The following SGMS2 variants were observed in gnomAD, a reference collection of about 807,000 sequenced individuals.
The protein encoded by SGMS2 is phosphatidylcholine:ceramide cholinephosphotransferase 2.
SGMS2 carries 21 observed loss-of-function variants against 43.8 expected under a neutral mutation model. The observed-to-expected ratio is 0.48, with a 90% CI of 0.34 to 0.69. SGMS2 has a LOEUF of 0.69. SGMS2 is among the 30% of genes least tolerant of loss of function. The pLI is 0.01. For synonymous variants in SGMS2, 167 were observed against 160.6 expected (o/e 1.04, Z -0.30); for missense variants, 384 against 443.2 (o/e 0.87, Z 1.20).
intron 1 of SGMS2, among the ~76,000 whole-genome samples, chr4:107,826,535 A>ACTTTAC: frequency 6.6e-6 from 1 of 151,894 alleles, no homozygotes; most frequent in Middle Eastern, 3.4e-3. Context: ...GAGGAAGCTA[A>ACTTTAC]CTTTACCTTT....
chr4:107,869,529 C>A (rs1191578804), intron 2 of SGMS2, among the ~76,000 whole-genome samples: 1 of 152,046 alleles, frequency 6.6e-6, no homozygotes, highest in Non-Finnish European at 1.5e-5. Context: ...TGCTAAGAAA[C>A]AATAGATGTC....
At chr4:107,860,700 T>G (rs1255823924) in intron 2 of SGMS2, among the ~76,000 whole-genome samples, 1 of 152,124 alleles carries the variant, frequency 6.6e-6, no homozygotes, top group Non-Finnish European at 1.5e-5. Flanking sequence ...AATTTTTGTA[T>G]TTTTAGTAGA....
In SGMS2 at chr4:107,905,411, T is replaced by A. The variant is rs569016482; in HGVS notation, c.727+2025T>A. 1.4e-4 allele frequency among the ~76,000 whole-genome samples: 21 copies of A among 152,262 alleles called. No homozygotes were observed. In the East Asian group the frequency reaches 2.7e-3, roughly 20 times the overall value. On this transcript the variant is annotated intron_variant, in intron 5 of 6. Coordinates refer to ENST00000690982, the MANE Select transcript of SGMS2 (RefSeq NM_001375905.1). ...CACATGAGAATTATGGGAGCTACAA[T>A]TCAAGATGAGATTTGGGTGGGGACA...
intron 2 of SGMS2, among the ~76,000 whole-genome samples, chr4:107,862,949 T>C (rs1001363479): frequency 2.0e-5 from 3 of 152,222 alleles, no homozygotes; most frequent in Non-Finnish European, 4.4e-5. Context: ...GCATGTGCCC[T>C]GAGGTCAAGT....
At chr4:107,863,575 A>G (rs969206219) in intron 2 of SGMS2, 2 of 152,230 alleles carry the variant, frequency 1.3e-5, no homozygotes, top group African/African-American at 2.4e-5. Flanking sequence ...GTCTTTCAGC[A>G]CTGCATACTT....
intron 1 of SGMS2, among the ~76,000 whole-genome samples, chr4:107,841,291 C>T (rs1472185275): frequency 6.6e-6 from 1 of 152,164 alleles, no homozygotes; most frequent in Non-Finnish European, 1.5e-5. Context: ...ACATGAGGCC[C>T]TTCTGGGTTC....
intron 1 of SGMS2, 61 bp from the exon 2 acceptor site, chr4:107,858,411 C>T (rs981188486): frequency 2.0e-5 from 3 of 152,482 alleles, no homozygotes; most frequent in Admixed American, 6.5e-5. Flanking sequence ...CCCCAGAAAA[C>T]TAGCAAAACA....
At chr4:107,878,377 C>T (rs1729088091) in intron 2 of SGMS2, among the ~76,000 whole-genome samples, 1 of 152,144 alleles carries the variant, frequency 6.6e-6, no homozygotes, top group African/African-American at 2.4e-5. Context: ...TTGGGAAAAG[C>T]TCAAATGCAT....
chr4:107,858,929 C>T (rs1727575306), intron 2 of SGMS2, among the ~76,000 whole-genome samples: 1 of 152,168 alleles, frequency 6.6e-6, no homozygotes, highest in African/African-American at 2.4e-5. Flanking sequence ...AGAAAATCTT[C>T]AAAGAGATAT....
intron 1 of SGMS2, among the ~76,000 whole-genome samples, chr4:107,844,247 C>A (rs1726681527): frequency 6.6e-6 from 1 of 151,880 alleles, no homozygotes; most frequent in Non-Finnish European, 1.5e-5. Context: ...TCACTTGAAC[C>A]TGGGAGGTGG....
chr4:107,896,095 C>T, intron 3 of SGMS2, 87 bp downstream of exon 3: 2 of 1,245,212 alleles, frequency 1.6e-6, no homozygotes, highest in Non-Finnish European at 1.1e-6. Context: ...TCCTTTTTTT[C>T]CCCCAATAAA....
chr4:107,891,619 C>T (rs79786561), intron 2 of SGMS2, among the ~76,000 whole-genome samples: 12,324 of 152,152 alleles, frequency 0.081, 584 homozygotes, highest in Middle Eastern at 0.12. Context: ...GAACTTTCTC[C>T]TGCAGAGAGA....
chr4:107,900,258 C>T (rs1030763958), intron 4 of SGMS2, among the ~76,000 whole-genome samples: 12 of 152,118 alleles, frequency 7.9e-5, no homozygotes, highest in African/African-American at 2.9e-4. Context: ...ATGTGGACGG[C>T]ATGAGAGCTG....
chr4:107,859,756 G>T (rs769632653), intron 2 of SGMS2, among the ~76,000 whole-genome samples: 1 of 152,102 alleles, frequency 6.6e-6, no homozygotes, highest in Non-Finnish European at 1.5e-5. Flanking sequence ...GACTTGCCTC[G>T]CTCTCAGGTA....
rs762138290 is a variant in SGMS2, at chr4:107,899,543, T to C, written c.456-32T>C. On this transcript the variant is annotated intron_variant, in intron 3 of 6. Coordinates refer to ENST00000690982, the MANE Select transcript of SGMS2 (RefSeq NM_001375905.1). The stretch of plus-strand genomic sequence containing the variant: ...TTAGGAGTAAAACCAACCAGTAAAC[T>C]TGTTTTTCCCCATCCCTATTTTTTC... 6.6e-6 allele frequency: 10 copies of C among 1,518,644 alleles called. No individual in the cohort carries two copies. In the East Asian group the frequency reaches 2.3e-4, roughly 34 times the overall value. The allele number at this position is 1,518,644 out of a possible 1,614,324, so 94.1% of individuals were successfully genotyped here.
Position 107,910,456 on chromosome 4 carries a change from C to T in SGMS2, c.1001C>T (p.Ser334Phe). The T allele has an allele frequency of 6.2e-7, 1 of 1,614,030 alleles. No individual in the cohort carries two copies. Among genetic ancestry groups the T allele is most frequent in the Non-Finnish European group, 8.5e-7 (1 of 1,180,000 alleles). The change falls in exon 7 of 7, where the codon TCC becomes TTC. Residue 334 changes from serine to phenylalanine, a missense_variant. Coordinates refer to ENST00000690982, the MANE Select transcript of SGMS2 (RefSeq NM_001375905.1). ...CAAGGCTCAATTCCTTGCTGCTTCT[C>T]CTGGCCGCTGTCTTGGCCTCCTGGC... The part of the protein sequence containing the change: ...NVQGSIPCCF[S>F]WPLSWPPGCF...
intron 1 of SGMS2, among the ~76,000 whole-genome samples, chr4:107,840,673 A>G (rs1726448617): frequency 6.6e-6 from 1 of 152,190 alleles, no homozygotes; most frequent in Admixed American, 6.5e-5. Flanking sequence ...TCTTAATATC[A>G]AGTATATTAT....
chr4:107,829,683 C>A (rs1269099531), intron 1 of SGMS2, among the ~76,000 whole-genome samples: 1 of 152,124 alleles, frequency 6.6e-6, no homozygotes, highest in African/African-American at 2.4e-5. Flanking sequence ...TGAATTATTT[C>A]TTTTATATGT....
intron 1 of SGMS2, among the ~76,000 whole-genome samples, chr4:107,837,072 C>T (rs1038162800): frequency 6.6e-6 from 1 of 152,222 alleles, no homozygotes; most frequent in African/African-American, 2.4e-5. Context: ...GTCCCAAGCC[C>T]TCCTCCATTC....
Sources: allele counts gnomAD v4.1 joint callset (sites outside exome capture counted in the v4.1 genomes callset), GRCh38; gene constraint gnomAD v4.1.1; transcripts MANE v1.5; gene names NCBI Gene and HGNC (gene_info 2026-07-23, HGNC 2026-07-21).